The following KCTD8 variants were observed in gnomAD, a reference collection of about 807,000 sequenced individuals.
The protein encoded by KCTD8 is potassium channel tetramerization domain containing 8.
In KCTD8, 27 loss-of-function variants were observed where a neutral mutation model predicts 31.5. The ratio of observed to expected loss-of-function variants is 0.86; its 90% CI spans 0.63 to 1.18. KCTD8 has a LOEUF of 1.18. Ranked by LOEUF, KCTD8 falls within the 50% of genes most tolerant of loss-of-function variation. The pLI is 0.00. For missense variants in KCTD8, 658 were observed against 647.7 expected (o/e 1.02, Z -0.17); for synonymous variants, 290 against 280.0 (o/e 1.04, Z -0.36).
At chr4:44,216,557 G>A (rs1199597352) in intron 1 of KCTD8, among the ~76,000 whole-genome samples, 5 of 152,076 alleles carry the variant, frequency 3.3e-5, no homozygotes, top group Non-Finnish European at 1.5e-5. Context: ...TAGTGTCTGG[G>A]GCTGTGGGAA....
At chr4:44,197,898 A>T (rs1311219062) in intron 1 of KCTD8, among the ~76,000 whole-genome samples, 1 of 152,232 alleles carries the variant, frequency 6.6e-6, no homozygotes, top group Non-Finnish European at 1.5e-5. Context: ...AACCCAATCC[A>T]AGGAATCCAG....
chr4:44,424,143 A>C (rs964802721), intron 1 of KCTD8, among the ~76,000 whole-genome samples: 7 of 152,040 alleles, frequency 4.6e-5, no homozygotes, highest in Non-Finnish European at 1.0e-4. Context: ...TCATTGTGTA[A>C]AATCAACGGG....
chr4:44,303,783 A>T (rs1171549315), intron 1 of KCTD8, among the ~76,000 whole-genome samples: 1 of 152,080 alleles, frequency 6.6e-6, no homozygotes, highest in East Asian at 1.9e-4. Flanking sequence ...ATTGCACTCC[A>T]GCCTGGGGGA....
chr4:44,448,267 C>A lies in KCTD8; in HGVS notation c.257G>T (p.Arg86Leu), dbSNP rs1174775411. Residue 86 changes from arginine (R) to leucine (L), a missense_variant, in exon 1 of 2, where the codon CGG becomes CTG. Transcript: ENST00000360029. This position sits in a 1 kb window ranked among gnomAD's most constrained non-coding sequence, Gnocchi z 4.1. ...PSSPRGGARR[R>L]GELPRDSRAR... ...CCGGCTGTCCCTGGGCAGCTCGCCC[C>A]GGCGCCGGGCGCCGCCACGGGGACT... 1 of 1,604,022 alleles carries A rather than the reference C, an allele frequency of 6.2e-7. No individual in the cohort carries two copies. Among genetic ancestry groups the A allele is most frequent in the South Asian group, 1.1e-5 (1 of 90,180 alleles).
chr4:44,326,785 A>G (rs1718452592), intron 1 of KCTD8, among the ~76,000 whole-genome samples: 1 of 151,702 alleles, frequency 6.6e-6, no homozygotes, highest in South Asian at 2.1e-4. Context: ...AGTCTTTCCA[A>G]TATATAAACA....
chr4:44,193,963 G>C (rs1713851412), intron 1 of KCTD8, among the ~76,000 whole-genome samples: 1 of 152,130 alleles, frequency 6.6e-6, no homozygotes, highest in African/African-American at 2.4e-5. Flanking sequence ...AGTGAAATTA[G>C]GAAAATAGAT....
chr4:44,319,234 T>C lies in KCTD8; in HGVS notation c.961+128329A>G, dbSNP rs544703313. On this transcript the variant is annotated intron_variant, in intron 1 of 1. Transcript: ENST00000360029. Reference sequence around the variant, plus strand: ...TTCAATTGAGGATAGGTATCATTGTTTTGTAGTGACACAAGCTTCAGTTTG... The same window carrying C: ...TTCAATTGAGGATAGGTATCATTGTCTTGTAGTGACACAAGCTTCAGTTTG... 2.6e-5 allele frequency among the ~76,000 whole-genome samples: 4 copies of C among 152,300 alleles called. No homozygotes were observed. The South Asian group carries it at 8.3e-4, about 32-fold the overall frequency.
intron 1 of KCTD8, among the ~76,000 whole-genome samples, chr4:44,204,006 A>G (rs929306142): frequency 6.6e-6 from 1 of 152,036 alleles, no homozygotes; most frequent in Non-Finnish European, 1.5e-5. Flanking sequence ...TAAAATCTAT[A>G]TAACTTTACA....
At chr4:44,268,461 G>A (rs1716463955) in intron 1 of KCTD8, among the ~76,000 whole-genome samples, 1 of 152,120 alleles carries the variant, frequency 6.6e-6, no homozygotes, top group Admixed American at 6.6e-5. Flanking sequence ...AAAACTGGAA[G>A]CATTCCCTTT....
chr4:44,368,260 C>T (rs1719693292), intron 1 of KCTD8, among the ~76,000 whole-genome samples: 1 of 152,042 alleles, frequency 6.6e-6, no homozygotes, highest in African/African-American at 2.4e-5. Context: ...GCCTGTAGTC[C>T]CAGCTACTTG....
intron 1 of KCTD8, among the ~76,000 whole-genome samples, chr4:44,340,193 C>T (rs866432598): frequency 2.6e-5 from 4 of 152,092 alleles, no homozygotes; most frequent in African/African-American, 9.7e-5. Context: ...AACTCTACTC[C>T]TGGACTTGCC....
chr4:44,256,190 G>A (rs182499960), intron 1 of KCTD8, among the ~76,000 whole-genome samples: 37 of 151,980 alleles, frequency 2.4e-4, no homozygotes, highest in African/African-American at 8.7e-4. Context: ...CTCCCACGAC[G>A]TGAGAATTAT....
intron 1 of KCTD8, among the ~76,000 whole-genome samples, chr4:44,300,088 A>G (rs941273972): frequency 6.6e-6 from 1 of 151,926 alleles, no homozygotes; most frequent in Admixed American, 6.6e-5. Context: ...ACTCTTGACT[A>G]TTTTTCAAAT....
intron 1 of KCTD8, among the ~76,000 whole-genome samples, chr4:44,327,161 T>G (rs572363721): frequency 6.6e-6 from 1 of 151,938 alleles, no homozygotes; most frequent in Admixed American, 6.6e-5. Flanking sequence ...CATTCTTCTT[T>G]TTATAGCAAG....
chr4:44,305,521 T>G (rs1054735429), intron 1 of KCTD8, among the ~76,000 whole-genome samples: 2 of 151,686 alleles, frequency 1.3e-5, no homozygotes, highest in African/African-American at 4.8e-5. Context: ...ATAAAACTTA[T>G]AAACTCATAT....
intron 1 of KCTD8, among the ~76,000 whole-genome samples, chr4:44,420,186 GC>G (rs1202369096): frequency 1.3e-5 from 2 of 151,722 alleles, no homozygotes; most frequent in African/African-American, 2.4e-5. Flanking sequence ...ATGTTAGGGT[GC>G]CACTTAGAGA....
chr4:44,382,645 GT>G (rs1233599914), intron 1 of KCTD8, among the ~76,000 whole-genome samples: 1 of 151,292 alleles, frequency 6.6e-6, no homozygotes, highest in African/African-American at 2.4e-5. Flanking sequence ...CAGAAGAATC[GT>G]TTGAACTCGG....
chr4:44,413,123 T>C (rs1004194077), intron 1 of KCTD8, among the ~76,000 whole-genome samples: 2 of 152,232 alleles, frequency 1.3e-5, no homozygotes, highest in Non-Finnish European at 2.9e-5. Context: ...TTTAACAGAA[T>C]GTATTATATT....
intron 1 of KCTD8, among the ~76,000 whole-genome samples, chr4:44,252,259 T>C (rs566653068): frequency 4.0e-5 from 6 of 151,864 alleles, no homozygotes; most frequent in Admixed American, 2.6e-4. Context: ...TTTATTTATC[T>C]ACTCATTGAT....
Sources: allele counts gnomAD v4.1 joint callset (sites outside exome capture counted in the v4.1 genomes callset), GRCh38; gene constraint gnomAD v4.1.1; non-coding constraint Gnocchi (gnomAD v3.1); transcripts MANE v1.5; gene names NCBI Gene and HGNC (gene_info 2026-07-23, HGNC 2026-07-21).